The following LHFPL4 variants were observed in gnomAD, a reference collection of about 807,000 sequenced individuals.
LHFPL4 encodes LHFPL tetraspan subfamily member 4.
LHFPL4 carries 6 observed loss-of-function variants against 20.0 expected under a neutral mutation model. That is an observed-to-expected ratio of 0.30 (90% CI 0.16 to 0.59). The LOEUF (loss-of-function observed/expected upper bound fraction) is 0.59. LHFPL4 is among the 20% of genes least tolerant of loss of function. The pLI is 0.88. For missense variants in LHFPL4, 215 were observed against 331.2 expected (o/e 0.65, Z 2.72); for synonymous variants, 129 against 143.8 (o/e 0.90, Z 0.74).
At chr3:9,535,641 A>G (rs1317455915) in intron 2 of LHFPL4, among the ~76,000 whole-genome samples, 2 of 152,168 alleles carry the variant, frequency 1.3e-5, no homozygotes, top group Non-Finnish European at 2.9e-5. Flanking sequence ...ATACACAGCC[A>G]GCTGTTTGTG....
intron 3 of LHFPL4, among the ~76,000 whole-genome samples, chr3:9,503,435 G>C (rs1222577034): frequency 6.6e-6 from 1 of 152,154 alleles, no homozygotes; most frequent in Non-Finnish European, 1.5e-5. Flanking sequence ...AGTAATCCCG[G>C]GGTCTGAGGG....
chr3:9,536,499 A>G (rs2046445509), intron 2 of LHFPL4, among the ~76,000 whole-genome samples: 1 of 152,126 alleles, frequency 6.6e-6, no homozygotes, highest in South Asian at 2.1e-4. Flanking sequence ...AAAAATGTCC[A>G]GCACCAGACC....
chr3:9,533,023 A>G (rs1269763077), intron 2 of LHFPL4, among the ~76,000 whole-genome samples: 1 of 152,222 alleles, frequency 6.6e-6, no homozygotes, highest in African/African-American at 2.4e-5. Flanking sequence ...TGCCCACCCC[A>G]CGCCACATGT....
intron 2 of LHFPL4, among the ~76,000 whole-genome samples, chr3:9,527,566 G>T (rs978869298): frequency 1.2e-4 from 18 of 151,908 alleles, no homozygotes; most frequent in Admixed American, 7.9e-4. Flanking sequence ...AAATTAGTCA[G>T]GCATGGTACA....
At chr3:9,539,544 T>C in intron 2 of LHFPL4, among the ~76,000 whole-genome samples, 1 of 151,952 alleles carries the variant, frequency 6.6e-6, no homozygotes, top group Non-Finnish European at 1.5e-5. Flanking sequence ...TCCGATCATG[T>C]TCCCCTCAGA....
intron 2 of LHFPL4, among the ~76,000 whole-genome samples, chr3:9,514,682 G>A (rs529218205): frequency 2.0e-4 from 31 of 152,160 alleles, no homozygotes; most frequent in Middle Eastern, 3.4e-3. Flanking sequence ...CCTCCCAACC[G>A]TGGGCAACCA....
At chr3:9,507,272 T>G (rs894949675) in intron 2 of LHFPL4, among the ~76,000 whole-genome samples, 1 of 152,224 alleles carries the variant, frequency 6.6e-6, no homozygotes, top group Non-Finnish European at 1.5e-5. Flanking sequence ...TTTAGCTGCA[T>G]GGAGCTTGCA....
chr3:9,506,833 A>G lies in LHFPL4; in HGVS notation c.407-630T>C, dbSNP rs1260890174. On this transcript the variant is annotated intron_variant, in intron 2 of 3. Coordinates refer to ENST00000287585, the MANE Select transcript of LHFPL4 (RefSeq NM_198560.3). The surrounding 1 kb of genome is among the most constrained non-coding windows in gnomAD (Gnocchi z 4.5). ...TAACCTCAAGTGATCTGCCCACCTC[A>G]GCCTCCCAAAGTGTTGGGATTATAG... Among the ~76,000 whole-genome samples the G allele has an allele frequency of 6.6e-6, 1 of 152,102 alleles. No individual in the cohort carries two copies. The highest frequency in any genetic ancestry group is 1.5e-5 in the Non-Finnish European group (1 of 68,010).
chr3:9,500,280 GCTCCCGCATC>G lies in LHFPL4; in HGVS notation c.*1921_*1930del, dbSNP rs1055134761. On this transcript the variant is annotated 3_prime_UTR_variant, in exon 4 of 4. Transcript: ENST00000287585. ...TCCTACCCCAACTCCCTCCCACGGGGCTCCCGCATCCTCCCGCATTTAACTCGGACCCTCT... is the reference window on the plus strand; with the variant it reads ...TCCTACCCCAACTCCCTCCCACGGGGCTCCCGCATTTAACTCGGACCCTCT... 4.6e-5 allele frequency: 7 copies of G among 152,434 alleles called. No homozygotes were observed. Among genetic ancestry groups the G allele is most frequent in the African/African-American group, 1.7e-4 (7 of 41,432 alleles). 9.4% of individuals were successfully genotyped at this position (152,434 alleles called of 1,614,324 possible).
At chr3:9,517,223 AGTTT>A (rs2046308973) in intron 2 of LHFPL4, among the ~76,000 whole-genome samples, 1 of 152,182 alleles carries the variant, frequency 6.6e-6, no homozygotes, top group South Asian at 2.1e-4. Context: ...CTTTAAAATC[AGTTT>A]GCTAATATGG....
At chr3:9,512,984 AGTCTCACTCAGTC>A (rs1170578154) in intron 2 of LHFPL4, among the ~76,000 whole-genome samples, 2 of 152,102 alleles carry the variant, frequency 1.3e-5, no homozygotes, top group African/African-American at 4.8e-5. Flanking sequence ...TTGGAGACGG[AGTCTCACTCAGTC>A]GCCCAGGCTG....
At chr3:9,550,740 C>T (rs571012651) in intron 2 of LHFPL4, 1 of 152,262 alleles carries the variant, frequency 6.6e-6, no homozygotes, top group African/African-American at 2.4e-5. Flanking sequence ...CCCCCATATC[C>T]TATAGTTCAC....
At chr3:9,502,797 C>A (rs2046186714) in intron 3 of LHFPL4, among the ~76,000 whole-genome samples, 1 of 151,974 alleles carries the variant, frequency 6.6e-6, no homozygotes, top group Admixed American at 6.6e-5. Flanking sequence ...CTTGAGCAAG[C>A]CATTTAACCT....
intron 2 of LHFPL4, among the ~76,000 whole-genome samples, chr3:9,513,109 G>A (rs1390659319): frequency 6.6e-6 from 1 of 151,898 alleles, no homozygotes; most frequent in Non-Finnish European, 1.5e-5. Flanking sequence ...ACAGGCGCCC[G>A]CCACTACTCC....
At chr3:9,545,346 A>G (rs2046504960) in intron 2 of LHFPL4, among the ~76,000 whole-genome samples, 1 of 152,210 alleles carries the variant, frequency 6.6e-6, no homozygotes, top group African/African-American at 2.4e-5. Flanking sequence ...CAACAAAGAC[A>G]GTGGAAGAAT....
intron 2 of LHFPL4, among the ~76,000 whole-genome samples, chr3:9,551,374 A>C (rs1365993795): frequency 1.1e-4 from 14 of 131,612 alleles, no homozygotes; most frequent in African/African-American, 3.8e-4. Context: ...TCCCCAGTCC[A>C]ACTCTCTTCC....
chr3:9,508,260 T>C (rs2648425), intron 2 of LHFPL4, among the ~76,000 whole-genome samples: 145,986 of 152,100 alleles, frequency 0.96, 70,107 homozygotes, highest in Middle Eastern at 1. Context: ...CCAGTCCTCC[T>C]CCTCTCCCCA....
chr3:9,517,532 G>A (rs112612752), intron 2 of LHFPL4, among the ~76,000 whole-genome samples: 5 of 151,484 alleles, frequency 3.3e-5, no homozygotes, highest in African/African-American at 1.2e-4. Flanking sequence ...CAGAGACCCT[G>A]TCTGTACCAA....
chr3:9,522,092 C>G (rs956235636), intron 2 of LHFPL4, among the ~76,000 whole-genome samples: 3 of 151,818 alleles, frequency 2.0e-5, no homozygotes, highest in Non-Finnish European at 2.9e-5. Context: ...TATACATTTC[C>G]AACTAATGCA....
Sources: allele counts gnomAD v4.1 joint callset (sites outside exome capture counted in the v4.1 genomes callset), GRCh38; gene constraint gnomAD v4.1.1; non-coding constraint Gnocchi (gnomAD v3.1); transcripts MANE v1.5; gene names NCBI Gene and HGNC (gene_info 2026-07-23, HGNC 2026-07-21).